YTHDF2: variants seen among roughly 807,000 people sequenced by gnomAD.
YTHDF2 encodes the protein YTH N6-methyladenosine RNA binding protein F2.
YTHDF2 carries 2 observed loss-of-function variants against 50.4 expected under a neutral mutation model. That is an observed-to-expected ratio of 0.04 (90% confidence interval 0.02 to 0.12). YTHDF2 has a LOEUF of 0.12. YTHDF2 is among the 10% of genes least tolerant of loss of function. The pLI, the probability that YTHDF2 is intolerant of heterozygous loss-of-function variation, is 1.00. For synonymous variants in YTHDF2, 217 were observed against 255.6 expected, an observed-to-expected ratio of 0.85 and a Z score of 1.44; for missense variants, 483 against 722.6, an observed-to-expected ratio of 0.67 and a Z score of 3.80.
chr1:28,748,795 T>A (rs775314924), intron 4 of YTHDF2, among the ~76,000 whole-genome samples: 2 of 152,248 alleles, frequency 1.3e-5, no homozygotes, highest in Non-Finnish European at 2.9e-5. Flanking sequence ...CCCAGTTAAG[T>A]ATTCCCTATG....
At chr1:28,751,514 G>T (rs1459042381) in intron 4 of YTHDF2, among the ~76,000 whole-genome samples, 1 of 152,034 alleles carries the variant, frequency 6.6e-6, no homozygotes, top group Admixed American at 6.5e-5. Flanking sequence ...AAATATACTT[G>T]TTTATCTGCC....
intron 1 of YTHDF2, 82 bp from the exon 2 acceptor site, chr1:28,737,576 C>A (rs2087713498): frequency 6.3e-7 from 1 of 1,593,450 alleles, no homozygotes; most frequent in Non-Finnish European, 8.6e-7. Flanking sequence ...ATTCTCCCTT[C>A]GGGCCCTGCC....
At position 28,743,915 on chromosome 1, in the gene YTHDF2, C is replaced by T. The variant is rs755540290; in HGVS notation, c.1645C>T (p.His549Tyr). 52 of 1,595,516 alleles carry T rather than the reference C, an allele frequency of 3.3e-5. No individual in the cohort carries two copies. The highest frequency in any genetic ancestry group is 4.4e-5 in the Non-Finnish European group (52 of 1,173,014). ...GTTGAAAATTATAGCCAGCTACAAG[C>T]ACACCACTTCCATTTTTGATGACTT... ...QVLKIIASYKHTTSIFDDFSH... is the reference protein window; with the variant it reads ...QVLKIIASYKYTTSIFDDFSH... Residue 549 changes from histidine to tyrosine, a missense_variant, in exon 4 of 5, where the codon CAC becomes TAC. By Grantham distance (83) the His-to-Tyr change is moderately conservative (BLOSUM62 2). Coordinates refer to ENST00000373812, the MANE Select transcript of YTHDF2 (RefSeq NM_016258.3). The surrounding 1 kb of genome is among the most constrained non-coding windows in gnomAD (Gnocchi z 6.9).
chr1:28,756,973 AG>A (rs2088044388), intron 4 of YTHDF2, among the ~76,000 whole-genome samples: 1 of 152,224 alleles, frequency 6.6e-6, no homozygotes, highest in Admixed American at 6.5e-5. Flanking sequence ...GCAAGGAAAA[AG>A]TGGCAGCTCA....
intron 4 of YTHDF2, among the ~76,000 whole-genome samples, chr1:28,744,775 C>T (rs956428557): frequency 1.3e-5 from 2 of 151,978 alleles, no homozygotes; most frequent in Admixed American, 6.6e-5. Flanking sequence ...CTCAAGTGAT[C>T]CCCCCATCTC....
intron 3 of YTHDF2, among the ~76,000 whole-genome samples, chr1:28,740,993 C>G (rs926925719): frequency 2.7e-5 from 4 of 149,506 alleles, no homozygotes; most frequent in African/African-American, 9.9e-5. Flanking sequence ...TGTGAGCCAC[C>G]GCGCCCGGCT....
intron 4 of YTHDF2, among the ~76,000 whole-genome samples, chr1:28,745,736 C>CCCCCCCCA (rs1491144713): frequency 9.2e-6 from 1 of 108,340 alleles, no homozygotes; most frequent in Non-Finnish European, 2.0e-5. Context: ...CCCCCCCCCC[C>CCCCCCCCA]AAAAAAAAAC....
intron 3 of YTHDF2, chr1:28,740,530 A>G (rs1422277483): frequency 6.6e-6 from 1 of 152,066 alleles, no homozygotes; most frequent in Admixed American, 6.6e-5. Flanking sequence ...TTTTTAGCCA[A>G]TTTTTCATTA....
chr1:28,756,500 C>T (rs949138494), intron 4 of YTHDF2, among the ~76,000 whole-genome samples: 3 of 152,120 alleles, frequency 2.0e-5, no homozygotes, highest in African/African-American at 4.8e-5. Flanking sequence ...CTTGGAACCT[C>T]ATGAATGATT....
At chr1:28,765,803 T>G (rs931126834) in intron 4 of YTHDF2, among the ~76,000 whole-genome samples, 1 of 152,208 alleles carries the variant, frequency 6.6e-6, no homozygotes, top group Non-Finnish European at 1.5e-5. Context: ...TGCTTTATCA[T>G]TTGAATGTTT....
intron 4 of YTHDF2, among the ~76,000 whole-genome samples, chr1:28,768,395 T>G (rs1180918877): frequency 1.4e-5 from 2 of 146,250 alleles, no homozygotes; most frequent in South Asian, 2.2e-4. Context: ...TGTGGGTTTG[T>G]TTTTTTTTTT....
chr1:28,746,373 G>T (rs1283749622), intron 4 of YTHDF2, among the ~76,000 whole-genome samples: 1 of 152,174 alleles, frequency 6.6e-6, no homozygotes, highest in East Asian at 1.9e-4. Context: ...GTTAGGGCCA[G>T]TGGGGAAATA....
chr1:28,749,134 A>C (rs1020230418), intron 4 of YTHDF2, among the ~76,000 whole-genome samples: 1 of 149,232 alleles, frequency 6.7e-6, no homozygotes, highest in Non-Finnish European at 1.5e-5. Flanking sequence ...TCATTGTGCA[A>C]CTGTTATCTA....
At chr1:28,766,490 A>T (rs2088218945) in intron 4 of YTHDF2, among the ~76,000 whole-genome samples, 1 of 152,180 alleles carries the variant, frequency 6.6e-6, no homozygotes, top group Non-Finnish European at 1.5e-5. Context: ...TTCTCAGTGC[A>T]TCATACTGGG....
chr1:28,751,903 G>A (rs547843905), intron 4 of YTHDF2, among the ~76,000 whole-genome samples: 2 of 152,328 alleles, frequency 1.3e-5, no homozygotes, highest in South Asian at 4.1e-4. Context: ...TGCCAAATAA[G>A]TAATAATAGA....
intron 4 of YTHDF2, among the ~76,000 whole-genome samples, chr1:28,751,676 ATCTT>A (rs778300897): frequency 7.9e-5 from 12 of 152,184 alleles, no homozygotes; most frequent in Non-Finnish European, 1.6e-4. Flanking sequence ...CCTTGTATCT[ATCTT>A]TCAACAAACG....
chr1:28,737,517 C>T lies in YTHDF2; in HGVS notation c.28-141C>T, dbSNP rs370857570. 5.4e-5 allele frequency: 63 copies of T among 1,161,802 alleles called. No individual in the cohort carries two copies. In the East Asian group the frequency reaches 1.3e-3, roughly 24 times the overall value. The allele number at this position is 1,161,802 out of a possible 1,614,324, so 72.0% of individuals were successfully genotyped here. On this transcript the variant is annotated intron_variant, in intron 1 of 4. Transcript: ENST00000373812. ...GCTTTCCCCCGCCTCCCATTTTCAG[C>T]CTCTTCCTCACTACCATTCCTGACG...
chr1:28,761,983 G>T (rs1446943693), intron 4 of YTHDF2, among the ~76,000 whole-genome samples: 1 of 152,136 alleles, frequency 6.6e-6, no homozygotes, highest in Non-Finnish European at 1.5e-5. Context: ...GAAGTCTAAA[G>T]TCAAGTCATT....
At chr1:28,741,341 G>A (rs1219739056) in intron 3 of YTHDF2, among the ~76,000 whole-genome samples, 3 of 151,222 alleles carry the variant, frequency 2.0e-5, no homozygotes, top group African/African-American at 7.3e-5. Flanking sequence ...TCTGTTGCCT[G>A]GGCTAGAGTG....
Sources: gnomAD v4.1 joint callset for allele counts (sites outside exome capture counted in the v4.1 genomes callset) on GRCh38, gnomAD v4.1.1 for gene constraint, Gnocchi (gnomAD v3.1) non-coding constraint, MANE v1.5 for transcripts, NCBI Gene and HGNC (gene_info 2026-07-23, HGNC 2026-07-21) for gene names.